The following DNM2 variants were observed in gnomAD, a reference collection of about 807,000 sequenced individuals.
DNM2 encodes the protein dynamin-2.
Under a neutral mutation model 99.0 loss-of-function variants are expected in DNM2, and 15 were observed. The ratio of observed to expected loss-of-function variants is 0.15; its 90% confidence interval spans 0.10 to 0.23. The LOEUF (loss-of-function observed/expected upper bound fraction) is 0.23, where lower values mean the gene tolerates loss of function less well. DNM2 is among the 10% of genes least tolerant of loss of function. DNM2 has a pLI of 1.00. For missense variants in DNM2, 742 were observed against 1,189.4 expected (o/e 0.62, Z 5.53); for synonymous variants, 525 against 481.2 (o/e 1.09, Z -1.19).
chr19:10,788,039 C>T (rs1473551988), intron 7 of DNM2, among the ~76,000 whole-genome samples: 1 of 151,562 alleles, frequency 6.6e-6, no homozygotes, highest in African/African-American at 2.4e-5. Flanking sequence ...CAAGACCAGC[C>T]TGGCCAACAT....
intron 1 of DNM2, among the ~76,000 whole-genome samples, chr19:10,745,370 G>A (rs1011460585): frequency 1.3e-5 from 2 of 152,116 alleles, no homozygotes; most frequent in African/African-American, 4.8e-5. Flanking sequence ...ATATGTTTCT[G>A]GGTGCTGGGG....
intron 7 of DNM2, among the ~76,000 whole-genome samples, chr19:10,787,302 CA>C (rs563551450): frequency 0.022 from 3,265 of 147,750 alleles, 47 homozygotes; most frequent in Non-Finnish European, 0.031. Flanking sequence ...CCATCACTAC[CA>C]AAAAAAAAAT....
intron 1 of DNM2, among the ~76,000 whole-genome samples, chr19:10,744,948 G>A (rs914531453): frequency 1.3e-5 from 2 of 152,042 alleles, no homozygotes; most frequent in Non-Finnish European, 2.9e-5. Context: ...CTGCTGGGCC[G>A]GCCAGTTTCT....
At chr19:10,773,952 C>A (rs966240826) in intron 3 of DNM2, among the ~76,000 whole-genome samples, 2 of 152,138 alleles carry the variant, frequency 1.3e-5, no homozygotes, top group African/African-American at 4.8e-5. Flanking sequence ...AACAGCAGCC[C>A]GGGGCCATAG....
chr19:10,733,136 G>A (rs931245521), intron 1 of DNM2, among the ~76,000 whole-genome samples: 5 of 150,594 alleles, frequency 3.3e-5, no homozygotes, highest in Non-Finnish European at 4.4e-5. Context: ...CACCCTCCTC[G>A]GCCTCCCAAA....
In DNM2 at chr19:10,829,116, T is replaced by C. The variant is rs2229920; in HGVS notation, c.2139T>C (p.Ala713=). Residue 713 remains alanine (A), a synonymous_variant, in exon 19 of 21, where the codon GCT becomes GCC. Transcript: ENST00000389253. ...ADQSSLMEES[A]DQAQRRDDML... is the part of the protein sequence containing the mutation. ...AGAGCAGCCTCATGGAGGAGTCGGCTGACCAGGCACAGCGGCGGGACGACA... is the reference window on the plus strand; with the variant it reads ...AGAGCAGCCTCATGGAGGAGTCGGCCGACCAGGCACAGCGGCGGGACGACA... The C allele has an allele frequency of 0.31, 495,394 of 1,613,602 alleles. 78,330 individuals carry two copies. Among genetic ancestry groups the C allele is most frequent in the East Asian group, 0.58 (25,856 of 44,840 alleles).
In DNM2 at chr19:10,736,246, C is replaced by CA. The variant is rs1173207142; in HGVS notation, c.161+17844dup. Among the ~76,000 whole-genome samples, 12 of 140,964 alleles carry CA rather than the reference C, an allele frequency of 8.5e-5. 1 individual carries two copies. Among genetic ancestry groups the CA allele is most frequent in the Middle Eastern group, 3.7e-3 (1 of 272 alleles). The allele number at this position is 140,964 out of a possible 152,430, so 92.5% of individuals were successfully genotyped here. ...CGCTATTGCACTCCAGCCTGGGCAA[C>CA]AGAGTGAGACTCTGTCTCAAAAAAA... On this transcript the variant is annotated intron_variant, in intron 1 of 20. Coordinates refer to ENST00000389253, the MANE Select transcript of DNM2 (RefSeq NM_001005361.3).
chr19:10,828,276 G>A (rs535787602), intron 18 of DNM2, among the ~76,000 whole-genome samples: 14 of 135,734 alleles, frequency 1.0e-4, no homozygotes, highest in Non-Finnish European at 2.1e-4. Flanking sequence ...GTGAGACTCT[G>A]TCACAAAAAA....
rs933285559 is a variant in DNM2, at chr19:10,787,571, G to A, written c.992+865G>A. Among the ~76,000 whole-genome samples, 26 of 150,152 alleles carry A rather than the reference G, an allele frequency of 1.7e-4. No individual in the cohort carries two copies. In the South Asian group the frequency reaches 3.4e-3, roughly 19 times the overall value. On this transcript the variant is annotated intron_variant, in intron 7 of 20. Transcript: ENST00000389253. ...CACCAGGTCAGGAGATTGAGACCAC[G>A]GTGAAACCCTGTCTCTACTCAACGT...
At position 10,796,347 on chromosome 19, in the gene DNM2, G is replaced by A. The variant is rs2071933178; in HGVS notation, c.1196+908G>A. On this transcript the variant is annotated intron_variant, in intron 9 of 20. Transcript: ENST00000389253. The surrounding 1 kb of genome is among the most constrained non-coding windows in gnomAD (Gnocchi z 5.6). ...TCCGTGAACTTGGCCTCTCCCCAGAGGCTGGGGCAGGAGCATGTAGGCCTG... is the reference window on the plus strand; with the variant it reads ...TCCGTGAACTTGGCCTCTCCCCAGAAGCTGGGGCAGGAGCATGTAGGCCTG... 1.6e-6 allele frequency: 2 copies of A among 1,249,226 alleles called. No individual in the cohort carries two copies. Among genetic ancestry groups the A allele is most frequent in the African/African-American group, 1.5e-5 (1 of 67,528 alleles). The allele number at this position is 1,249,226 out of a possible 1,614,324, so 77.4% of individuals were successfully genotyped here. A position where few individuals can be genotyped will look rare whatever the true frequency, so the allele number is the denominator to read the frequency against.
At position 10,783,010 on chromosome 19, in the gene DNM2, G is replaced by C. The variant is rs200475945; in HGVS notation, c.739G>C (p.Asp247His). The change falls in exon 6 of 21, where the codon GAC becomes CAC. Residue 247 changes from aspartate (D) to histidine (H), a missense_variant. Coordinates refer to ENST00000389253, the MANE Select transcript of DNM2 (RefSeq NM_001005361.3). Reference protein sequence around the residue: ...RSQKDIEGKKDIRAALAAERK... With the variant: ...RSQKDIEGKKHIRAALAAERK... Reference sequence around the variant, plus strand: ...CCAGAAGGATATTGAGGGCAAGAAGGACATCCGTGCAGCACTGGCAGCTGA... The same window carrying C: ...CCAGAAGGATATTGAGGGCAAGAAGCACATCCGTGCAGCACTGGCAGCTGA... 1 of 1,614,182 alleles carries C rather than the reference G, an allele frequency of 6.2e-7. No homozygotes were observed. The highest frequency in any genetic ancestry group is 2.2e-5 in the East Asian group (1 of 44,884).
intron 7 of DNM2, among the ~76,000 whole-genome samples, chr19:10,792,575 G>C (rs969434666): frequency 9.2e-5 from 14 of 152,128 alleles, no homozygotes; most frequent in African/African-American, 3.4e-4. Flanking sequence ...CATTAGATGA[G>C]CAATTGTTTA....
chr19:10,749,474 C>T (rs1280547825), intron 1 of DNM2, among the ~76,000 whole-genome samples: 1 of 152,236 alleles, frequency 6.6e-6, no homozygotes, highest in African/African-American at 2.4e-5. Context: ...GCTCTGAAAC[C>T]TGCTCTGGTG....
chr19:10,738,468 C>CA (rs946265306), intron 1 of DNM2, among the ~76,000 whole-genome samples: 10 of 148,176 alleles, frequency 6.7e-5, no homozygotes, highest in African/African-American at 2.5e-4. Flanking sequence ...ACAGACAAAA[C>CA]AAAAAAAACA....
intron 13 of DNM2, among the ~76,000 whole-genome samples, chr19:10,807,406 A>AT (rs1425189656): frequency 3.3e-5 from 5 of 151,464 alleles, no homozygotes; most frequent in African/African-American, 9.7e-5. Flanking sequence ...CGCCCAGCTA[A>AT]TTTTTTTGTA....
At chr19:10,801,908 GAAAAAAAAA>G (rs34959391) in intron 11 of DNM2, among the ~76,000 whole-genome samples, 2 of 101,056 alleles carry the variant, frequency 2.0e-5, no homozygotes, top group East Asian at 3.1e-4. Flanking sequence ...CCGTCTCGAA[GAAAAAAAAA>G]AAAAAAACAA....
chr19:10,818,584 C>T lies in DNM2; in HGVS notation c.1672-1396C>T, dbSNP rs1446286575. Reference sequence around the variant, plus strand: ...CCATGTGCCAAGCCCACTGCTTCATCCTGGCTCCCCTTGCAAAGTCCTGAC... The same window carrying T: ...CCATGTGCCAAGCCCACTGCTTCATTCTGGCTCCCCTTGCAAAGTCCTGAC... On this transcript the variant is annotated intron_variant, in intron 15 of 20. Transcript: ENST00000389253. The surrounding 1 kb of genome is among the most constrained non-coding windows in gnomAD (Gnocchi z 4.3). Among the ~76,000 whole-genome samples the T allele has an allele frequency of 6.6e-6, 1 of 152,236 alleles. No homozygotes were observed. The highest frequency in any genetic ancestry group is 1.9e-4 in the East Asian group (1 of 5,186).
intron 5 of DNM2, among the ~76,000 whole-genome samples, chr19:10,777,927 G>A (rs2071208471): frequency 6.6e-6 from 1 of 151,844 alleles, no homozygotes; most frequent in African/African-American, 2.4e-5. Flanking sequence ...TCCCAAAAGT[G>A]TGGAAAAAAG....
In DNM2 at chr19:10,796,041, C is replaced by A. The variant is rs1448533118; in HGVS notation, c.1196+602C>A. On this transcript the variant is annotated intron_variant, in intron 9 of 20. Transcript: ENST00000389253. This position sits in a 1 kb window ranked among gnomAD's most constrained non-coding sequence, Gnocchi z 5.6. ...TCTCTCTGACTTATCTCCCCTGCCC[C>A]CGGGTCTGGACGGTTTCAGGACCGG... 6.2e-7 allele frequency: 1 copy of A among 1,612,912 alleles called. No homozygotes were observed. Among genetic ancestry groups the A allele is most frequent in the East Asian group, 2.2e-5 (1 of 44,880 alleles).
Sources: allele counts gnomAD v4.1 joint callset (sites outside exome capture counted in the v4.1 genomes callset), GRCh38; gene constraint gnomAD v4.1.1; non-coding constraint Gnocchi (gnomAD v3.1); transcripts MANE v1.5; gene names NCBI Gene and HGNC (gene_info 2026-07-23, HGNC 2026-07-21).